The following DCLK1 variants were observed in gnomAD, a reference collection of about 807,000 sequenced individuals.
DCLK1 encodes the protein doublecortin like kinase 1, also known as serine/threonine-protein kinase DCLK1.
Under a neutral mutation model 86.2 loss-of-function variants are expected in DCLK1, and 16 were observed. The ratio of observed to expected loss-of-function variants is 0.19; its 90% CI spans 0.13 to 0.28. The LOEUF (loss-of-function observed/expected upper bound fraction) is 0.28. DCLK1 is among the 10% of genes least tolerant of loss of function. DCLK1 has a pLI of 1.00. For synonymous variants in DCLK1, 369 were observed against 370.5 expected, an observed-to-expected ratio of 1.00 and a Z score of 0.05; for missense variants, 590 against 940.2, an observed-to-expected ratio of 0.63 and a Z score of 4.87.
chr13:35,914,868 G>A (rs76222437), intron 4 of DCLK1, among the ~76,000 whole-genome samples: 208 of 152,226 alleles, frequency 1.4e-3, no homozygotes, highest in African/African-American at 4.8e-3. Flanking sequence ...TTGAAGGCCT[G>A]GCAAACAGTA....
chr13:35,896,579 A>C (rs1451786178), intron 4 of DCLK1, among the ~76,000 whole-genome samples: 3 of 132,934 alleles, frequency 2.3e-5, no homozygotes, highest in African/African-American at 8.0e-5. Context: ...TGCTGTTAGA[A>C]CTTGATATAT....
chr13:35,909,627 G>A (rs1447447378), intron 4 of DCLK1, among the ~76,000 whole-genome samples: 2,048 of 75,378 alleles, frequency 0.027, 21 homozygotes, highest in South Asian at 0.072. Flanking sequence ...GTGTGTGTGT[G>A]TGTGTGTGTG....
intron 4 of DCLK1, among the ~76,000 whole-genome samples, chr13:35,941,489 T>C (rs952118345): frequency 1.3e-5 from 2 of 152,214 alleles, no homozygotes; most frequent in Admixed American, 6.5e-5. Flanking sequence ...AACACTGGAC[T>C]ACAGGCACGT....
intron 3 of DCLK1, among the ~76,000 whole-genome samples, chr13:36,008,224 A>ATT (rs1392172740): frequency 1.9e-4 from 9 of 48,332 alleles, no homozygotes; most frequent in Non-Finnish European, 2.4e-4. Flanking sequence ...TATTATTATT[A>ATT]TTATTTTTTT....
chr13:35,784,994 G>A (rs1427315918), intron 16 of DCLK1, among the ~76,000 whole-genome samples: 3 of 152,216 alleles, frequency 2.0e-5, no homozygotes, highest in Non-Finnish European at 2.9e-5. Flanking sequence ...GGCCATCACC[G>A]CTCTGCCTCA....
At chr13:35,943,101 T>A (rs1261654929) in intron 4 of DCLK1, among the ~76,000 whole-genome samples, 1 of 152,206 alleles carries the variant, frequency 6.6e-6, no homozygotes, top group Non-Finnish European at 1.5e-5. Flanking sequence ...GTCACCAAAC[T>A]AAGATGAGGT....
chr13:35,840,517 C>T (rs1869717812), intron 6 of DCLK1, among the ~76,000 whole-genome samples: 1 of 152,196 alleles, frequency 6.6e-6, no homozygotes, highest in Non-Finnish European at 1.5e-5. Flanking sequence ...AGTACACCTG[C>T]TTTTCTACAG....
At chr13:36,131,006 C>A (rs1294562092) in intron 1 of DCLK1, 108 bp downstream of exon 1, 1 of 150,570 alleles carries the variant, frequency 6.6e-6, no homozygotes, top group Non-Finnish European at 1.5e-5. Flanking sequence ...CCAAGCTGAG[C>A]GCCCGCCCTG....
chr13:36,051,506 G>T (rs1883122205), intron 3 of DCLK1, among the ~76,000 whole-genome samples: 1 of 151,564 alleles, frequency 6.6e-6, no homozygotes, highest in Admixed American at 6.6e-5. Context: ...ATTCTTGCTG[G>T]TTTAGATTAT....
At chr13:35,783,594 CT>C (rs915343002) in intron 16 of DCLK1, among the ~76,000 whole-genome samples, 11 of 151,962 alleles carry the variant, frequency 7.2e-5, no homozygotes, top group South Asian at 2.1e-4. Flanking sequence ...ATCTCCATGA[CT>C]TTTTTTTGAG....
chr13:35,940,785 G>T (rs1433382675), intron 4 of DCLK1, among the ~76,000 whole-genome samples: 1 of 152,192 alleles, frequency 6.6e-6, no homozygotes, highest in Non-Finnish European at 1.5e-5. Flanking sequence ...AAAGTTAAGA[G>T]TGGAAGAAAG....
intron 3 of DCLK1, among the ~76,000 whole-genome samples, chr13:36,092,299 A>C (rs1884852633): frequency 6.6e-6 from 1 of 151,926 alleles, no homozygotes; most frequent in Admixed American, 6.6e-5. Flanking sequence ...AATAGTACTT[A>C]CCTTCTAGAG....
At chr13:35,785,549 G>A (rs535531208) in intron 16 of DCLK1, among the ~76,000 whole-genome samples, 5 of 152,228 alleles carry the variant, frequency 3.3e-5, no homozygotes, top group African/African-American at 1.2e-4. Context: ...GGAGAATGGA[G>A]AGAAAGGGGA....
At chr13:35,803,306 G>T (rs899425233) in intron 15 of DCLK1, among the ~76,000 whole-genome samples, 1 of 152,118 alleles carries the variant, frequency 6.6e-6, no homozygotes, top group Admixed American at 6.6e-5. Flanking sequence ...TCATAGAAAA[G>T]GATAACTTTT....
At chr13:36,107,926 G>A (rs551550194) in intron 3 of DCLK1, among the ~76,000 whole-genome samples, 1 of 152,266 alleles carries the variant, frequency 6.6e-6, no homozygotes, top group Admixed American at 6.5e-5. Flanking sequence ...AACATCCAGA[G>A]CTTGGACTTG....
chr13:35,976,013 C>T (rs756280807), intron 3 of DCLK1, among the ~76,000 whole-genome samples: 3 of 152,194 alleles, frequency 2.0e-5, no homozygotes, highest in Non-Finnish European at 4.4e-5. Flanking sequence ...CACTGGGCCA[C>T]TAAGCAATGA....
At chr13:35,774,768 G>T in intron 16 of DCLK1, 69 bp from the exon 17 acceptor site, 1 of 1,519,006 alleles carries the variant, frequency 6.6e-7, no homozygotes. Flanking sequence ...ACTCTTTCTA[G>T]AACTTTCTGA....
At chr13:36,082,285 C>G (rs77419000) in intron 3 of DCLK1, among the ~76,000 whole-genome samples, 2 of 152,046 alleles carry the variant, frequency 1.3e-5, no homozygotes, top group African/African-American at 2.4e-5. Context: ...TTCCACTTAA[C>G]GAATAGGAGT....
At chr13:36,031,589 A>C (rs1391887038) in intron 3 of DCLK1, among the ~76,000 whole-genome samples, 1 of 152,218 alleles carries the variant, frequency 6.6e-6, no homozygotes, top group Non-Finnish European at 1.5e-5. Context: ...CAATATAAAA[A>C]GGTTCCTTAT....
Sources: gnomAD v4.1 joint callset for allele counts (sites outside exome capture counted in the v4.1 genomes callset) on GRCh38, gnomAD v4.1.1 for gene constraint, MANE v1.5 for transcripts, NCBI Gene and HGNC (gene_info 2026-07-23, HGNC 2026-07-21) for gene names.